The following ZNF438 variants were observed in gnomAD, a reference collection of about 807,000 sequenced individuals.
ZNF438 encodes zinc finger protein 438.
ZNF438 carries 25 observed loss-of-function variants against 38.0 expected under a neutral mutation model. The observed-to-expected ratio is 0.66, with a 90% CI of 0.48 to 0.92. The LOEUF (loss-of-function observed/expected upper bound fraction) is 0.92, where lower values mean the gene tolerates loss of function less well. ZNF438 is among the 40% of genes least tolerant of loss of function. The pLI is 0.00. For synonymous variants in ZNF438, 372 were observed against 364.1 expected, an observed-to-expected ratio of 1.02 and a Z score of -0.25; for missense variants, 1,007 against 999.6, an observed-to-expected ratio of 1.01 and a Z score of -0.10.
chr10:30,900,731 A>T (rs1196906331), intron 3 of ZNF438, among the ~76,000 whole-genome samples: 1 of 152,212 alleles, frequency 6.6e-6, no homozygotes, highest in Non-Finnish European at 1.5e-5. Context: ...CAGTATCCTC[A>T]GAAATTAAAA....
intron 3 of ZNF438, among the ~76,000 whole-genome samples, chr10:30,906,471 TA>T (rs1292495517): frequency 7.2e-5 from 11 of 152,320 alleles, no homozygotes; most frequent in African/African-American, 2.6e-4. Context: ...AAGAATTTTT[TA>T]GTGGATTCCT....
At chr10:31,016,874 C>T (rs991828560) in intron 1 of ZNF438, among the ~76,000 whole-genome samples, 10 of 152,142 alleles carry the variant, frequency 6.6e-5, no homozygotes, top group Admixed American at 3.9e-4. Context: ...TCCTTCTTCC[C>T]ACTCTGAAAT....
intron 2 of ZNF438, among the ~76,000 whole-genome samples, chr10:30,916,084 A>G (rs1236195758): frequency 6.6e-6 from 1 of 152,030 alleles, no homozygotes; most frequent in Non-Finnish European, 1.5e-5. Context: ...TTTATACTGT[A>G]CCAATATAAA....
chr10:30,849,758 G>A (rs2033181625), exon 5 of ZNF438: 1 of 1,614,174 alleles, frequency 6.2e-7, no homozygotes, highest in Non-Finnish European at 8.5e-7. Flanking sequence ...GGTAGCAGGA[G>A]GGTTCAGACT....
At chr10:30,935,745 A>T (rs1033197424) in intron 2 of ZNF438, among the ~76,000 whole-genome samples, 4 of 152,220 alleles carry the variant, frequency 2.6e-5, no homozygotes, top group Non-Finnish European at 4.4e-5. Flanking sequence ...TCATGGCAAA[A>T]GGAAGCAGGC....
At chr10:31,004,373 A>T (rs2054928154) in intron 1 of ZNF438, among the ~76,000 whole-genome samples, 1 of 152,208 alleles carries the variant, frequency 6.6e-6, no homozygotes, top group Non-Finnish European at 1.5e-5. Flanking sequence ...GGTAACACAG[A>T]AGACAGAAAA....
chr10:30,986,129 A>T (rs772995905), intron 1 of ZNF438, among the ~76,000 whole-genome samples: 1 of 152,190 alleles, frequency 6.6e-6, no homozygotes, highest in Non-Finnish European at 1.5e-5. Flanking sequence ...TCATATCAGT[A>T]CACTCTATGA....
At chr10:31,003,360 C>G (rs1046595197) in intron 1 of ZNF438, among the ~76,000 whole-genome samples, 1 of 152,134 alleles carries the variant, frequency 6.6e-6, no homozygotes, top group Admixed American at 6.5e-5. Context: ...TGAGGTAGAA[C>G]AGGTAGTATT....
At chr10:30,982,642 C>T (rs952634087) in intron 1 of ZNF438, among the ~76,000 whole-genome samples, 1 of 151,980 alleles carries the variant, frequency 6.6e-6, no homozygotes, top group African/African-American at 2.4e-5. Flanking sequence ...ATTTATATTT[C>T]CCTTTATGAA....
At chr10:30,900,381 A>C (rs555099370) in intron 3 of ZNF438, among the ~76,000 whole-genome samples, 2 of 152,286 alleles carry the variant, frequency 1.3e-5, no homozygotes, top group South Asian at 4.1e-4. Context: ...ACCTCACTCC[A>C]CCAAAATAGC....
At chr10:31,029,018 C>A (rs950872492) in intron 1 of ZNF438, among the ~76,000 whole-genome samples, 2 of 152,174 alleles carry the variant, frequency 1.3e-5, no homozygotes, top group Admixed American at 6.5e-5. Flanking sequence ...TATCTCCAAC[C>A]CTGACCACTC....
chr10:30,946,289 G>C (rs929369821), intron 1 of ZNF438, among the ~76,000 whole-genome samples: 2 of 152,084 alleles, frequency 1.3e-5, no homozygotes, highest in African/African-American at 4.8e-5. Flanking sequence ...CATGGGCAAG[G>C]ACTTCATGTC....
intron 3 of ZNF438, among the ~76,000 whole-genome samples, chr10:30,898,832 T>G (rs1299056447): frequency 6.6e-6 from 1 of 152,072 alleles, no homozygotes; most frequent in African/African-American, 2.4e-5. Context: ...GTATAGCAAT[T>G]TAGTAGATTG....
At chr10:30,910,780 T>C (rs1034900616) in intron 2 of ZNF438, among the ~76,000 whole-genome samples, 4 of 151,332 alleles carry the variant, frequency 2.6e-5, no homozygotes, top group Admixed American at 6.6e-5. Context: ...TTCTTTAGAA[T>C]TTTTGTGTAA....
intron 5 of ZNF438, among the ~76,000 whole-genome samples, chr10:30,846,431 G>A (rs971708344): frequency 6.6e-5 from 10 of 152,198 alleles, no homozygotes; most frequent in Middle Eastern, 3.2e-3. Flanking sequence ...GAAACCTGCC[G>A]CCATGAGAGC....
At position 30,881,962 on chromosome 10, in the gene ZNF438, A is replaced by G. The variant is rs551264825; in HGVS notation, c.-31-4897T>C. Among the ~76,000 whole-genome samples, 3 of 152,332 alleles carry G rather than the reference A, an allele frequency of 2.0e-5. No homozygotes were observed. In the East Asian group the frequency reaches 5.8e-4, roughly 29 times the overall value. Reference sequence around the variant, plus strand: ...AAATGTAAAACACAAAACTTCTGAAATATAAAACTTCTAAAAGAAAATACT... The same window carrying G: ...AAATGTAAAACACAAAACTTCTGAAGTATAAAACTTCTAAAAGAAAATACT... On this transcript the variant is annotated intron_variant, in intron 3 of 5. Coordinates refer to ENST00000413025, the Ensembl canonical transcript of ZNF438.
At chr10:30,864,951 G>C (rs1440598309) in intron 4 of ZNF438, among the ~76,000 whole-genome samples, 4 of 152,170 alleles carry the variant, frequency 2.6e-5, no homozygotes, top group African/African-American at 7.2e-5. Flanking sequence ...CCAGTCCATA[G>C]ATGTGAAAAC....
At chr10:30,865,020 T>C (rs916487911) in intron 4 of ZNF438, among the ~76,000 whole-genome samples, 2 of 152,244 alleles carry the variant, frequency 1.3e-5, no homozygotes, top group East Asian at 1.9e-4. Context: ...CCCAGGACTG[T>C]CTGGCACCAA....
chr10:30,975,894 A>G (rs960426813), intron 1 of ZNF438, among the ~76,000 whole-genome samples: 2 of 152,098 alleles, frequency 1.3e-5, no homozygotes, highest in Admixed American at 1.3e-4. Context: ...TGCATAAATT[A>G]TTTAAAATTA....
Sources: allele counts gnomAD v4.1 joint callset (sites outside exome capture counted in the v4.1 genomes callset), GRCh38; gene constraint gnomAD v4.1.1; transcripts MANE v1.5; gene names NCBI Gene and HGNC (gene_info 2026-07-23, HGNC 2026-07-21).